RALGAPA1: variants seen among roughly 807,000 people sequenced by gnomAD.
RALGAPA1 encodes the protein Ral GTPase activating protein catalytic subunit alpha 1.
Under a neutral mutation model 269.6 loss-of-function variants are expected in RALGAPA1, and 52 were observed. The observed-to-expected ratio is 0.19, with a 90% CI of 0.15 to 0.24. RALGAPA1 has a LOEUF of 0.24. Ranked by LOEUF, RALGAPA1 falls within the 10% of genes least tolerant of loss-of-function variation. The pLI is 1.00. For missense variants in RALGAPA1, 1,917 were observed against 3,013.9 expected, an observed-to-expected ratio of 0.64 and a Z score of 8.52; for synonymous variants, 817 against 1,008.3, an observed-to-expected ratio of 0.81 and a Z score of 3.60.
At position 35,654,487 on chromosome 14, in the gene RALGAPA1, T is replaced by C. The variant is rs1566930404; in HGVS notation, c.5497-10A>G. ...CTGTTTTATTAGTAAACTGCAATAATAAAAAAAAAGTTTTAAAAATTTTCA... is the reference window on the plus strand; with the variant it reads ...CTGTTTTATTAGTAAACTGCAATAACAAAAAAAAAGTTTTAAAAATTTTCA... On this transcript the variant is annotated splice_polypyrimidine_tract_variant and intron_variant, in intron 29 of 41. Transcript: ENST00000680220. The C allele has an allele frequency of 6.4e-7, 1 of 1,569,260 alleles. No homozygotes were observed.
At chr14:35,616,104 C>A (rs2060237415) in intron 35 of RALGAPA1, among the ~76,000 whole-genome samples, 1 of 151,918 alleles carries the variant, frequency 6.6e-6, no homozygotes, top group African/African-American at 2.4e-5. Context: ...GAATGGACAT[C>A]ATGATTATGA....
intron 31 of RALGAPA1, among the ~76,000 whole-genome samples, chr14:35,641,319 G>A (rs745474054): frequency 2.6e-5 from 4 of 152,240 alleles, no homozygotes; most frequent in South Asian, 4.1e-4. Flanking sequence ...GTTTGCTGAC[G>A]ATATGATCTT....
intron 36 of RALGAPA1, 134 bp from the exon 37 acceptor site, chr14:35,595,923 A>C: frequency 1.5e-6 from 1 of 645,272 alleles, no homozygotes; most frequent in Non-Finnish European, 2.6e-6. Flanking sequence ...TATTTAATCT[A>C]GAATTGTTAG....
intron 16 of RALGAPA1, among the ~76,000 whole-genome samples, chr14:35,713,694 G>C (rs2068558886): frequency 6.6e-6 from 1 of 151,976 alleles, no homozygotes; most frequent in Admixed American, 6.6e-5. Flanking sequence ...AGTAATACTA[G>C]AGCATATGGA....
At chr14:35,716,353 G>A (rs536940671) in intron 16 of RALGAPA1, among the ~76,000 whole-genome samples, 345 of 132,230 alleles carry the variant, frequency 2.6e-3, no homozygotes, top group Middle Eastern at 5.3e-3. Context: ...AGCTGAGATC[G>A]CACCACTGCA....
intron 22 of RALGAPA1, chr14:35,676,291 A>T (rs764970620): frequency 6.6e-6 from 1 of 151,940 alleles, no homozygotes; most frequent in South Asian, 2.1e-4. Context: ...AGTTCACTGC[A>T]ACCTCCACAT....
At chr14:35,597,257 C>G (rs561340525) in intron 36 of RALGAPA1, among the ~76,000 whole-genome samples, 14 of 152,298 alleles carry the variant, frequency 9.2e-5, no homozygotes, top group African/African-American at 3.4e-4. Context: ...ACAGATGCCA[C>G]CAACAATGTA....
Position 35,723,195 on chromosome 14 carries a change from G to A in RALGAPA1, c.1936C>T (p.Leu646=), listed in dbSNP as rs781566200. ...YISRELWDDL[L]SVLSSLTYWE... Reference sequence around the variant, plus strand: ...TAGGTCAGCGATGACAATACTGACAGTAAGTCATCCCAAAGTTCTCGGGAG... The same window carrying A: ...TAGGTCAGCGATGACAATACTGACAATAAGTCATCCCAAAGTTCTCGGGAG... The change falls in exon 15 of 42, where the codon CTG becomes TTG. Residue 646 remains leucine, a synonymous_variant. Transcript: ENST00000680220. 4 of 1,613,708 alleles carry A rather than the reference G, an allele frequency of 2.5e-6. No homozygotes were observed. Among genetic ancestry groups the A allele is most frequent in the Non-Finnish European group, 2.5e-6 (3 of 1,179,674 alleles).
At position 35,635,592 on chromosome 14, in the gene RALGAPA1, C is replaced by T. The variant is rs781274665; in HGVS notation, c.5683G>A (p.Val1895Ile). 1.4e-4 allele frequency: 225 copies of T among 1,578,834 alleles called. No individual in the cohort carries two copies. The highest frequency in any genetic ancestry group is 1.9e-4 in the Non-Finnish European group (221 of 1,164,362). ...TCCAGAAGGCAGAGAAGTAAAGATACTACCAACTGTAACAACAATAGAATC... is the reference window on the plus strand; with the variant it reads ...TCCAGAAGGCAGAGAAGTAAAGATATTACCAACTGTAACAACAATAGAATC... ...SSYEMDKRLV[V>I]SLLLCLLDWI... Residue 1895 changes from valine (V) to isoleucine (I), a missense_variant, in exon 32 of 42, where the codon GTA becomes ATA. By Grantham distance (29) the Val-to-Ile change is conservative. Around this residue, in one of 11 missense-constraint regions of RALGAPA1, gnomAD observed 346 missense variants for 566.1 expected, o/e 0.61. Transcript: ENST00000680220.
At chr14:35,796,088 C>G (rs767396611) in intron 1 of RALGAPA1, among the ~76,000 whole-genome samples, 1 of 152,092 alleles carries the variant, frequency 6.6e-6, no homozygotes, top group Non-Finnish European at 1.5e-5. Flanking sequence ...AGAGGATGAT[C>G]AATTGAAATT....
At chr14:35,559,987 C>T (rs997568655) in intron 39 of RALGAPA1, among the ~76,000 whole-genome samples, 2 of 152,112 alleles carry the variant, frequency 1.3e-5, no homozygotes, top group Non-Finnish European at 2.9e-5. Context: ...AGATCTTAGT[C>T]TCATTGAGAA....
intron 27 of RALGAPA1, among the ~76,000 whole-genome samples, chr14:35,662,670 C>G (rs1052835566): frequency 2.0e-5 from 3 of 152,114 alleles, no homozygotes; most frequent in African/African-American, 7.2e-5. Flanking sequence ...GCGAGGCTAA[C>G]CCCTAACTCA....
intron 12 of RALGAPA1, among the ~76,000 whole-genome samples, chr14:35,737,602 C>CA (rs1028389580): frequency 4.0e-5 from 6 of 150,134 alleles, no homozygotes; most frequent in Admixed American, 3.3e-4. Context: ...ACTGAAAATA[C>CA]AAAAAAATTA....
At chr14:35,636,190 G>A (rs750015524) in intron 31 of RALGAPA1, among the ~76,000 whole-genome samples, 9 of 151,938 alleles carry the variant, frequency 5.9e-5, no homozygotes, top group Non-Finnish European at 1.2e-4. Context: ...GGACTACAAG[G>A]TGCACACCAT....
intron 31 of RALGAPA1, among the ~76,000 whole-genome samples, chr14:35,644,640 A>C (rs1426872556): frequency 6.6e-6 from 1 of 152,254 alleles, no homozygotes; most frequent in Non-Finnish European, 1.5e-5. Flanking sequence ...TATCCAGATA[A>C]ATAATCAATA....
chr14:35,807,987 G>A (rs1376934474), intron 1 of RALGAPA1: 4 of 152,100 alleles, frequency 2.6e-5, no homozygotes, highest in Non-Finnish European at 5.9e-5. Context: ...TGTTCCATAA[G>A]TATTATTACA....
rs144585901 is a variant in RALGAPA1 at position 35,684,803 on chromosome 14, T to C, written c.4294+126A>G. The stretch of plus-strand genomic sequence containing the variant: ...AGACCAAATATCTAATTTTTTTTTT[T>C]CTAACGTGGGAGCCACTGCCTAAGT... On this transcript the variant is annotated intron_variant, in intron 20 of 41. Coordinates refer to ENST00000680220, the MANE Select transcript of RALGAPA1 (RefSeq NM_001346249.2). 3,945 of 952,268 alleles carry C rather than the reference T, an allele frequency of 4.1e-3. 74 individuals carry two copies. In the African/African-American group the frequency reaches 0.052, roughly 12 times the overall value. The allele number at this position is 952,268 out of a possible 1,614,324, so 59.0% of individuals were successfully genotyped here.
At chr14:35,628,701 C>T (rs1174395816) in intron 33 of RALGAPA1, among the ~76,000 whole-genome samples, 2 of 152,092 alleles carry the variant, frequency 1.3e-5, no homozygotes, top group Non-Finnish European at 2.9e-5. Flanking sequence ...ATAGCTAGTA[C>T]CTGTATGCAA....
chr14:35,809,019 C>G lies in RALGAPA1; in HGVS notation c.-184G>C, dbSNP rs2077567196. On this transcript the variant is annotated 5_prime_UTR_variant, in exon 1 of 42. Coordinates refer to ENST00000680220, the MANE Select transcript of RALGAPA1 (RefSeq NM_001346249.2). ...GGCCAGGGCCGCCACCTCCACCCGC[C>G]TCGCGCCGCGGCTCCAAGGCACCTT... is the stretch of plus-strand genomic sequence containing the variant. 3.3e-6 allele frequency: 4 copies of G among 1,223,818 alleles called. No homozygotes were observed. Among genetic ancestry groups the G allele is most frequent in the Middle Eastern group, 5.8e-4 (2 of 3,450 alleles). The allele number at this position is 1,223,818 out of a possible 1,614,324, so 75.8% of individuals were successfully genotyped here. A position where few individuals can be genotyped will look rare whatever the true frequency, so the allele number is the denominator to read the frequency against.
Sources: gnomAD v4.1 joint callset for allele counts (sites outside exome capture counted in the v4.1 genomes callset) on GRCh38, gnomAD v4.1.1 for gene constraint, gnomAD v4.1.1 regional missense constraint, MANE v1.5 for transcripts, NCBI Gene and HGNC (gene_info 2026-07-23, HGNC 2026-07-21) for gene names.